SLC7A1: variants seen among roughly 807,000 people sequenced by gnomAD.
SLC7A1 encodes high affinity cationic amino acid transporter 1.
Under a neutral mutation model 53.9 loss-of-function variants are expected in SLC7A1, and 10 were observed. The observed-to-expected ratio is 0.19, with a 90% CI of 0.11 to 0.31. The LOEUF (loss-of-function observed/expected upper bound fraction) is 0.31. Among genes scored for constraint, SLC7A1 ranks in the 10% least tolerant of loss-of-function variants. The probability of loss-of-function intolerance (pLI) is 1.00; values close to 1 mark genes in which losing one functional copy is unlikely to be tolerated. For missense variants in SLC7A1, 525 were observed against 827.2 expected, an observed-to-expected ratio of 0.63 and a Z score of 4.48; for synonymous variants, 342 against 338.7, an observed-to-expected ratio of 1.01 and a Z score of -0.11.
In SLC7A1 at chr13:29,532,836, G is replaced by A. The variant is rs145721598; in HGVS notation, c.517C>T (p.Leu173Phe). The change falls in exon 4 of 13, where the codon CTC becomes TTC. Residue 173 changes from leucine (L) to phenylalanine (F), a missense_variant. This residue lies in a region of SLC7A1 where 354 missense variants were observed against 587.5 expected (regional missense o/e 0.60). Coordinates refer to ENST00000380752, the MANE Select transcript of SLC7A1 (RefSeq NM_003045.5). ...NPDIFAVIIILILTGLLTLGV... is the reference protein window; with the variant it reads ...NPDIFAVIIIFILTGLLTLGV... The stretch of plus-strand genomic sequence containing the variant: ...GTGTGGGCTTTACCTGTCAAGATGA[G>A]AATTATGATCACTGCGAATATGTCG... The A allele has an allele frequency of 6.2e-7, 1 of 1,613,086 alleles. No individual in the cohort carries two copies. The highest frequency in any genetic ancestry group is 1.3e-5 in the African/African-American group (1 of 74,908).
chr13:29,517,979 T>A (rs1173644935), intron 9 of SLC7A1, among the ~76,000 whole-genome samples, 189 bp from the exon 10 acceptor site: 1 of 152,218 alleles, frequency 6.6e-6, no homozygotes. Flanking sequence ...CGCTGTTGCT[T>A]CTGGGGAACA....
Position 29,585,591 on chromosome 13 carries a change from C to G in SLC7A1, c.-115+9825G>C, listed in dbSNP as rs1038845979. 8.1e-4 allele frequency among the ~76,000 whole-genome samples: 124 copies of G among 152,270 alleles called. 2 individuals carry two copies. Among genetic ancestry groups the G allele is most frequent in the African/African-American group, 2.9e-3 (122 of 41,562 alleles). Reference sequence around the variant, plus strand: ...AAAAGCCGCCATCCTCGGGAACACCCAGTGAGTACCAGTGTGTGCGGGTAA... The same window carrying G: ...AAAAGCCGCCATCCTCGGGAACACCGAGTGAGTACCAGTGTGTGCGGGTAA... On this transcript the variant is annotated intron_variant, in intron 1 of 12. Coordinates refer to ENST00000380752, the MANE Select transcript of SLC7A1 (RefSeq NM_003045.5).
chr13:29,588,933 C>T (rs1390819891), intron 1 of SLC7A1, among the ~76,000 whole-genome samples: 2 of 152,180 alleles, frequency 1.3e-5, no homozygotes, highest in South Asian at 2.1e-4. Flanking sequence ...TCCCAGGGGC[C>T]TTCACTGGGT....
intron 1 of SLC7A1, among the ~76,000 whole-genome samples, chr13:29,563,849 C>T (rs1870862326): frequency 6.6e-6 from 1 of 152,194 alleles, no homozygotes; most frequent in South Asian, 2.1e-4. Flanking sequence ...AAAAAGTCCT[C>T]CTGTCACAAA....
chr13:29,576,552 G>A (rs940164394), intron 1 of SLC7A1, among the ~76,000 whole-genome samples: 1 of 152,164 alleles, frequency 6.6e-6, no homozygotes, highest in African/African-American at 2.4e-5. Flanking sequence ...TGGTGGAGCT[G>A]CAGAAAGTGA....
chr13:29,530,001 T>G (rs1869078800), intron 5 of SLC7A1, among the ~76,000 whole-genome samples: 1 of 152,204 alleles, frequency 6.6e-6, no homozygotes, highest in Admixed American at 6.5e-5. Flanking sequence ...CGCCAGGGCT[T>G]GAGCAGCACA....
chr13:29,580,389 T>C (rs1871591003), intron 1 of SLC7A1, among the ~76,000 whole-genome samples: 1 of 152,218 alleles, frequency 6.6e-6, no homozygotes, highest in South Asian at 2.1e-4. Context: ...TCTCTGCTTT[T>C]CTACATTTAT....
At chr13:29,561,318 C>T (rs138598559) in intron 1 of SLC7A1, among the ~76,000 whole-genome samples, 2 of 152,226 alleles carry the variant, frequency 1.3e-5, no homozygotes, top group Admixed American at 1.3e-4. Context: ...TGGTGACGCG[C>T]TGAGGGGGTA....
intron 6 of SLC7A1, 86 bp downstream of exon 6, chr13:29,524,046 G>T (rs1478234262): frequency 3.6e-6 from 5 of 1,378,140 alleles, no homozygotes; most frequent in East Asian, 2.3e-5. Flanking sequence ...CGACTGGACC[G>T]TGCCAGCAAG....
intron 1 of SLC7A1, among the ~76,000 whole-genome samples, chr13:29,579,923 C>A (rs116045611): frequency 2.0e-5 from 3 of 152,160 alleles, no homozygotes; most frequent in Non-Finnish European, 4.4e-5. Flanking sequence ...TCTCTGTCAT[C>A]GTCCTCCTAC....
In SLC7A1 at chr13:29,543,835, G is replaced by A. The variant is rs182597366; in HGVS notation, c.-14-7633C>T. Among the ~76,000 whole-genome samples, 91 of 152,212 alleles carry A rather than the reference G, an allele frequency of 6.0e-4. 1 individual carries two copies. Among genetic ancestry groups the A allele is most frequent in the Admixed American group, 1.8e-3 (27 of 15,296 alleles). Reference sequence around the variant, plus strand: ...GGCAAGGATCAGAGGTTCTGCAGGAGGACAGAGTGGGGGAGAGGCGGGGAC... The same window carrying A: ...GGCAAGGATCAGAGGTTCTGCAGGAAGACAGAGTGGGGGAGAGGCGGGGAC... On this transcript the variant is annotated intron_variant, in intron 2 of 12. Transcript: ENST00000380752.
chr13:29,579,736 G>A (rs1038721043), intron 1 of SLC7A1, among the ~76,000 whole-genome samples: 1 of 152,074 alleles, frequency 6.6e-6, no homozygotes, highest in African/African-American at 2.4e-5. Flanking sequence ...TATTCTGAAC[G>A]GCCCAAGTTC....
chr13:29,571,453 T>A (rs1871185158), intron 1 of SLC7A1, among the ~76,000 whole-genome samples: 1 of 152,206 alleles, frequency 6.6e-6, no homozygotes, highest in Non-Finnish European at 1.5e-5. Flanking sequence ...CCCTTGGCGG[T>A]GCCTGAATGC....
intron 3 of SLC7A1, among the ~76,000 whole-genome samples, chr13:29,533,384 C>A (rs1869263358): frequency 6.6e-6 from 1 of 152,172 alleles, no homozygotes; most frequent in African/African-American, 2.4e-5. Context: ...TCATAATGCA[C>A]TCCTGGGGTG....
At chr13:29,524,366 C>T in intron 5 of SLC7A1, 113 bp from the exon 6 acceptor site, 3 of 1,356,754 alleles carry the variant, frequency 2.2e-6, no homozygotes, top group South Asian at 2.8e-5. Context: ...CTCCCTGTTA[C>T]CGCTGCCAGG....
At chr13:29,531,854 TAAAA>T (rs1869178576) in intron 4 of SLC7A1, among the ~76,000 whole-genome samples, 2 of 151,982 alleles carry the variant, frequency 1.3e-5, no homozygotes, top group South Asian at 4.1e-4. Flanking sequence ...TAAAATAAAA[TAAAA>T]TAAAAACTGC....
chr13:29,555,357 C>CAAAAAAAAAAAAAAAAAAAAAAAA (rs538934310), intron 1 of SLC7A1, among the ~76,000 whole-genome samples: 1 of 18,778 alleles, frequency 5.3e-5, no homozygotes, highest in Non-Finnish European at 1.2e-4. Flanking sequence ...GACTCCGTCT[C>CAAAAAAAAAAAAAAAAAAAAAAAA]AAAAAAAAAA....
chr13:29,561,324 G>C (rs544551033), intron 1 of SLC7A1, among the ~76,000 whole-genome samples: 15 of 152,260 alleles, frequency 9.9e-5, no homozygotes, highest in African/African-American at 3.1e-4. Flanking sequence ...CGCGCTGAGG[G>C]GGTATCAAGA....
At chr13:29,533,925 C>G (rs9579391) in intron 3 of SLC7A1, among the ~76,000 whole-genome samples, 15,103 of 152,228 alleles carry the variant, frequency 0.099, 805 homozygotes, top group Middle Eastern at 0.14. Context: ...CATATTGCCA[C>G]AGTGATCTGC....
Sources: gnomAD v4.1 joint callset for allele counts (sites outside exome capture counted in the v4.1 genomes callset) on GRCh38, gnomAD v4.1.1 for gene constraint, gnomAD v4.1.1 regional missense constraint, MANE v1.5 for transcripts, NCBI Gene and HGNC (gene_info 2026-07-23, HGNC 2026-07-21) for gene names.